ATRNL1: variants seen among roughly 807,000 people sequenced by gnomAD.
ATRNL1 encodes attractin like 1.
A neutral mutation model predicts 182.7 loss-of-function variants in ATRNL1; 95 were observed. The observed-to-expected ratio is 0.52, with a 90% CI of 0.44 to 0.62. ATRNL1 has a LOEUF of 0.62. ATRNL1 is among the 20% of genes least tolerant of loss of function. The pLI, the probability that ATRNL1 is intolerant of heterozygous loss-of-function variation, is 0.00. For synonymous variants in ATRNL1, 576 were observed against 568.3 expected, an observed-to-expected ratio of 1.01 and a Z score of -0.19; for missense variants, 1,471 against 1,679.5, an observed-to-expected ratio of 0.88 and a Z score of 2.17.
At chr10:115,868,685 G>T (rs1355178424) in intron 28 of ATRNL1, among the ~76,000 whole-genome samples, 2 of 152,044 alleles carry the variant, frequency 1.3e-5, no homozygotes, top group Non-Finnish European at 2.9e-5. Context: ...GTGACCTCAG[G>T]TCTCCTAACT....
intron 1 of ATRNL1, among the ~76,000 whole-genome samples, chr10:115,100,507 GAA>G (rs1374010557): frequency 6.6e-6 from 1 of 152,124 alleles, no homozygotes; most frequent in East Asian, 1.9e-4. Flanking sequence ...TATTTGTTGA[GAA>G]GAGTATTCTT....
At chr10:115,425,172 T>G (rs2784809) in intron 20 of ATRNL1, among the ~76,000 whole-genome samples, 5,145 of 152,020 alleles carry the variant, frequency 0.034, 269 homozygotes, top group African/African-American at 0.11. Flanking sequence ...AGCCTCTAAT[T>G]TTTCACTATT....
intron 26 of ATRNL1, among the ~76,000 whole-genome samples, chr10:115,680,217 T>C (rs1946004178): frequency 1.3e-5 from 2 of 152,090 alleles, no homozygotes; most frequent in African/African-American, 2.4e-5. Context: ...ATCAATGGCT[T>C]TATATGAAAA....
chr10:115,310,335 T>C (rs1434652098), intron 17 of ATRNL1, among the ~76,000 whole-genome samples: 1 of 152,132 alleles, frequency 6.6e-6, no homozygotes, highest in Non-Finnish European at 1.5e-5. Context: ...TTGCTGTCAG[T>C]GTGATACTGG....
Position 115,334,314 on chromosome 10 carries a change from A to G in ATRNL1, c.3070A>G (p.Asn1024Asp). ...CQCNGHSTCI[N>D]NNVCEQCKNL... ...GTGTAATGGACATAGCACTTGCATC[A>G]ATAATAATGTGTGCGAACAGTGTAA... Residue 1024 changes from asparagine to aspartate, a missense_variant, in exon 19 of 29, where the codon AAT becomes GAT. Coordinates refer to ENST00000355044, the MANE Select transcript of ATRNL1 (RefSeq NM_207303.4). 1 of 1,581,540 alleles carries G rather than the reference A, an allele frequency of 6.3e-7. No individual in the cohort carries two copies. Among genetic ancestry groups the G allele is most frequent in the South Asian group, 1.2e-5 (1 of 86,058 alleles).
chr10:115,830,686 G>C lies in ATRNL1; in HGVS notation c.3904-17191G>C, dbSNP rs571403070. Among the ~76,000 whole-genome samples the C allele has an allele frequency of 9.8e-4, 149 of 152,214 alleles. 1 individual carries two copies. The South Asian group carries it at 0.017, about 18-fold the overall frequency. ...AGGTGTGAGTGTTTTTGCACTGTTG[G>C]TTTCAGATGGAACCACAAGCATTTG... On this transcript the variant is annotated intron_variant, in intron 27 of 28. Coordinates refer to ENST00000355044, the MANE Select transcript of ATRNL1 (RefSeq NM_207303.4).
chr10:115,272,673 T>C (rs11197143), intron 13 of ATRNL1, among the ~76,000 whole-genome samples: 5,178 of 152,274 alleles, frequency 0.034, 291 homozygotes, highest in African/African-American at 0.12. Flanking sequence ...ATATATTGGA[T>C]GCTGACTCAG....
chr10:115,248,994 G>A (rs1330903392), intron 10 of ATRNL1, among the ~76,000 whole-genome samples: 1 of 151,944 alleles, frequency 6.6e-6, no homozygotes, highest in Non-Finnish European at 1.5e-5. Flanking sequence ...GGCATTTTAA[G>A]TGAAACAGTA....
chr10:115,881,416 A>T (rs1951824721), intron 28 of ATRNL1, among the ~76,000 whole-genome samples: 1 of 152,170 alleles, frequency 6.6e-6, no homozygotes, highest in African/African-American at 2.4e-5. Context: ...TTTCTGCCGG[A>T]TGGTGATGAA....
rs568616953 is a variant in ATRNL1, at chr10:115,563,525, T to G, written c.3795+13989T>G. Among the ~76,000 whole-genome samples the G allele has an allele frequency of 2.0e-5, 3 of 152,288 alleles. No homozygotes were observed. In the East Asian group the frequency reaches 5.8e-4, roughly 29 times the overall value. ...AAACCTAATACAGAATTCAGCAGTA[T>G]GTATTTTATATATAAAGTTTCTTCT... On this transcript the variant is annotated intron_variant, in intron 26 of 28. Transcript: ENST00000355044.
chr10:115,160,337 G>A lies in ATRNL1; in HGVS notation c.1004+123G>A, dbSNP rs1592189921. On this transcript the variant is annotated intron_variant, in intron 6 of 28. Transcript: ENST00000355044. ...TTTTTGTGGTAGTGTCTATTTGCTA[G>A]TGAGACTGATTTGTGAATACATGAA... 8 of 805,812 alleles carry A rather than the reference G, an allele frequency of 9.9e-6. No individual in the cohort carries two copies. The South Asian group carries it at 1.3e-4, about 13-fold the overall frequency. 49.9% of individuals were successfully genotyped at this position (805,812 alleles called of 1,614,324 possible). A position where few individuals can be genotyped will look rare whatever the true frequency, so the allele number is the denominator to read the frequency against.
chr10:115,186,340 C>G (rs1039951225), intron 8 of ATRNL1, among the ~76,000 whole-genome samples: 1 of 151,972 alleles, frequency 6.6e-6, no homozygotes, highest in Non-Finnish European at 1.5e-5. Flanking sequence ...ACCAAATGAC[C>G]CAGCAATCAC....
chr10:115,285,762 T>C (rs1554918601), intron 14 of ATRNL1, among the ~76,000 whole-genome samples: 2 of 152,100 alleles, frequency 1.3e-5, no homozygotes, highest in African/African-American at 4.8e-5. Flanking sequence ...CACAACTATA[T>C]ACCTGAGCTA....
chr10:115,394,525 T>C (rs996586409), intron 19 of ATRNL1, 134 bp from the exon 20 acceptor site: 1 of 667,512 alleles, frequency 1.5e-6, no homozygotes, highest in Non-Finnish European at 2.6e-6. Context: ...ATTTATACTA[T>C]CTGGTAACCT....
At chr10:115,145,028 AG>A (rs1167655279) in intron 5 of ATRNL1, among the ~76,000 whole-genome samples, 2 of 152,200 alleles carry the variant, frequency 1.3e-5, no homozygotes, top group African/African-American at 4.8e-5. Context: ...TGTACCTAGA[AG>A]AAATTTTGAC....
chr10:115,515,735 TTC>T (rs1850604260), intron 24 of ATRNL1, among the ~76,000 whole-genome samples: 2 of 152,000 alleles, frequency 1.3e-5, no homozygotes, highest in East Asian at 3.9e-4. Flanking sequence ...CCTTATATTA[TTC>T]TGTTTATATT....
At chr10:115,604,609 C>T (rs541333828) in intron 26 of ATRNL1, among the ~76,000 whole-genome samples, 38 of 152,150 alleles carry the variant, frequency 2.5e-4, no homozygotes, top group Non-Finnish European at 5.4e-4. Context: ...AGCCTCTCCA[C>T]ACTTAGACCT....
intron 21 of ATRNL1, among the ~76,000 whole-genome samples, chr10:115,456,569 C>T (rs1592684922): frequency 6.6e-6 from 1 of 152,096 alleles, no homozygotes; most frequent in Non-Finnish European, 1.5e-5. Context: ...ACTACCATGG[C>T]ACATGTATAC....
chr10:115,458,210 C>T (rs1847620421), intron 21 of ATRNL1, among the ~76,000 whole-genome samples: 1 of 152,014 alleles, frequency 6.6e-6, no homozygotes, highest in Non-Finnish European at 1.5e-5. Flanking sequence ...TGTTTAAGTG[C>T]CAGGTAAATT....
Sources: allele counts gnomAD v4.1 joint callset (sites outside exome capture counted in the v4.1 genomes callset), GRCh38; gene constraint gnomAD v4.1.1; transcripts MANE v1.5; gene names NCBI Gene and HGNC (gene_info 2026-07-23, HGNC 2026-07-21).